PCDH11Y: variants seen among roughly 807,000 people sequenced by gnomAD.
The protein encoded by PCDH11Y is protocadherin-11 Y-linked.
For missense variants in PCDH11Y, 12 were observed against 224.8 expected, an observed-to-expected ratio of 0.05 and a Z score of 6.05; for synonymous variants, 9 against 83.6, an observed-to-expected ratio of 0.11 and a Z score of 4.87.
At chrY:5,377,597 T>C in intron 2 of PCDH11Y, among the ~76,000 whole-genome samples, 6 of 33,989 alleles carry the variant, frequency 1.8e-4, no homozygotes, top group Admixed American at 1.6e-3. Context: ...AAAATACTGA[T>C]AGAATAATCC....
chrY:5,102,194 A>G, downstream of PCDH11Y, among the ~76,000 whole-genome samples: 1 of 32,525 alleles, frequency 3.1e-5, no homozygotes, highest in African/African-American at 1.2e-4. Context: ...CATATTTTAC[A>G]TAGTTAGTGG....
intron 3 of PCDH11Y, among the ~76,000 whole-genome samples, chrY:5,046,583 C>T: frequency 1.5e-4 from 5 of 34,338 alleles, no homozygotes; most frequent in Admixed American, 2.6e-4. Flanking sequence ...GTGCCCTGCC[C>T]CCAGAGGTGG....
chrY:5,385,523 G>T (rs2053212936), intron 2 of PCDH11Y, among the ~76,000 whole-genome samples: 1 of 31,850 alleles, frequency 3.1e-5, no homozygotes, highest in Admixed American at 2.9e-4. Flanking sequence ...ATATACCACA[G>T]ATTCTTTATC....
intron 4 of PCDH11Y, among the ~76,000 whole-genome samples, chrY:5,591,664 T>C (rs2053462065): frequency 3.1e-5 from 1 of 32,318 alleles, no homozygotes; most frequent in Non-Finnish European, 7.5e-5. Flanking sequence ...ATGTGGGTAT[T>C]TAGTGCTATA....
At chrY:5,591,551 A>C in intron 4 of PCDH11Y, among the ~76,000 whole-genome samples, 1 of 28,894 alleles carries the variant, frequency 3.5e-5, no homozygotes, top group Non-Finnish European at 8.2e-5. Context: ...GATTTTGGTT[A>C]TTTCTTGTCT....
chrY:5,544,927 T>C, intron 3 of PCDH11Y, among the ~76,000 whole-genome samples: 2 of 30,707 alleles, frequency 6.5e-5, no homozygotes, highest in African/African-American at 1.3e-4. Context: ...TGAGCTTATA[T>C]CTAGAAGCTC....
intron 2 of PCDH11Y, among the ~76,000 whole-genome samples, chrY:5,359,752 T>C: frequency 9.1e-5 from 3 of 32,915 alleles, no homozygotes; most frequent in African/African-American, 3.5e-4. Flanking sequence ...CATTTTACTA[T>C]GAACTAATGA....
intron 2 of PCDH11Y, among the ~76,000 whole-genome samples, chrY:5,370,169 G>T: frequency 3.0e-5 from 1 of 33,572 alleles, no homozygotes; most frequent in Non-Finnish European, 7.4e-5. Context: ...TTTCAGAGAC[G>T]TATTGCTGCA....
At chrY:5,650,680 T>C (rs2124706101) in intron 4 of PCDH11Y, among the ~76,000 whole-genome samples, 1 of 33,416 alleles carries the variant, frequency 3.0e-5, no homozygotes, top group Admixed American at 2.8e-4. Flanking sequence ...TTTTACATAT[T>C]ATTAGCTTAA....
chrY:5,197,487 C>A, intron 2 of PCDH11Y, among the ~76,000 whole-genome samples: 1 of 31,020 alleles, frequency 3.2e-5, no homozygotes, highest in Non-Finnish European at 7.8e-5. Context: ...GGGTATATAC[C>A]CAAAGGACTA....
intron 1 of PCDH11Y, among the ~76,000 whole-genome samples, chrY:5,075,068 G>T: frequency 4.6e-4 from 15 of 32,862 alleles, no homozygotes; most frequent in African/African-American, 1.7e-3. Flanking sequence ...ATAAGAAAAA[G>T]ATAAAAATTG....
At chrY:5,521,368 T>G (rs2124690295) in intron 3 of PCDH11Y, among the ~76,000 whole-genome samples, 1 of 32,128 alleles carries the variant, frequency 3.1e-5, no homozygotes, top group East Asian at 8.2e-4. Flanking sequence ...AGACGGGGTT[T>G]TACCATGTTG....
chrY:5,562,667 A>G (rs376697965), intron 3 of PCDH11Y, among the ~76,000 whole-genome samples: 1,329 of 25,756 alleles, frequency 0.052, no homozygotes, highest in Middle Eastern at 0.47. Context: ...AGGCTGAGGC[A>G]GGAGAATGGC....
chrY:5,021,601 C>A (rs2052569699), intron 1 of PCDH11Y, among the ~76,000 whole-genome samples: 1 of 31,706 alleles, frequency 3.2e-5, no homozygotes, highest in African/African-American at 1.2e-4. Flanking sequence ...TCCTTCTACT[C>A]TCTTTTTTCC....
chrY:5,165,934 A>G, intron 2 of PCDH11Y, among the ~76,000 whole-genome samples: 1 of 32,532 alleles, frequency 3.1e-5, no homozygotes, highest in Non-Finnish European at 7.7e-5. Flanking sequence ...CCTTATGCAT[A>G]TAAATTTGAC....
intron 2 of PCDH11Y, among the ~76,000 whole-genome samples, chrY:5,110,723 ATATAT>A (rs2052801944): frequency 9.0e-5 from 3 of 33,491 alleles, no homozygotes; most frequent in Admixed American, 2.8e-4. Flanking sequence ...CATTTCAATG[ATATAT>A]TATAACTAAA....
chrY:5,205,496 TACTGAATATATATATATATAC>T, intron 2 of PCDH11Y, among the ~76,000 whole-genome samples: 1 of 25,476 alleles, frequency 3.9e-5, no homozygotes, highest in South Asian at 8.8e-4. Context: ...TATATATATA[TACTGAATATATATATATATAC>T]ACTGAATATA....
chrY:5,632,762 A>G, intron 4 of PCDH11Y, among the ~76,000 whole-genome samples: 1 of 29,420 alleles, frequency 3.4e-5, no homozygotes, highest in Non-Finnish European at 8.1e-5. Flanking sequence ...TCAGGCTTGA[A>G]ATGAGGGTTA....
intron 2 of PCDH11Y, among the ~76,000 whole-genome samples, chrY:5,249,899 C>G: frequency 3.2e-5 from 1 of 31,148 alleles, no homozygotes; most frequent in African/African-American, 1.3e-4. Flanking sequence ...TATGAATCTG[C>G]AAGGAACTCA....
Sources: allele counts gnomAD v4.1 joint callset (sites outside exome capture counted in the v4.1 genomes callset), GRCh38; gene constraint gnomAD v4.1.1; transcripts MANE v1.5; gene names NCBI Gene and HGNC (gene_info 2026-07-23, HGNC 2026-07-21).